Variants in NACC2 observed in about 807,000 individuals in gnomAD.
The protein encoded by NACC2 is NACC family member 2.
NACC2 carries 8 observed loss-of-function variants against 25.1 expected under a neutral mutation model. The observed-to-expected ratio is 0.32, with a 90% CI of 0.19 to 0.57. The LOEUF is 0.57. Among genes scored for constraint, NACC2 ranks in the 20% least tolerant of loss-of-function variants. NACC2 has a pLI of 0.89. For missense variants in NACC2, 644 were observed against 650.2 expected, an observed-to-expected ratio of 0.99 and a Z score of 0.10; for synonymous variants, 435 against 294.7, an observed-to-expected ratio of 1.48 and a Z score of -4.88.
intron 1 of NACC2, among the ~76,000 whole-genome samples, chr9:136,082,750 C>A (rs1050293992): frequency 6.6e-6 from 1 of 152,208 alleles, no homozygotes; most frequent in Non-Finnish European, 1.5e-5. Context: ...ATCACAGCCC[C>A]CTCTCCCCGG....
rs192495682 is a variant in NACC2, at chr9:136,075,345, C to T, written c.-60+19844G>A. Among the ~76,000 whole-genome samples, 11 of 152,326 alleles carry T rather than the reference C, an allele frequency of 7.2e-5. No homozygotes were observed. The East Asian group carries it at 2.1e-3, about 29-fold the overall frequency. On this transcript the variant is annotated intron_variant, in intron 1 of 5. Coordinates refer to ENST00000277554, the MANE Select transcript of NACC2 (RefSeq NM_144653.5). ...CTTGGGGGGAAAGCCCTCCCTAGCT[C>T]CCCCGAGGCTGGCTGCTGCGAACTG...
chr9:136,015,055 G>C (rs558965724), intron 3 of NACC2, among the ~76,000 whole-genome samples: 4 of 152,270 alleles, frequency 2.6e-5, no homozygotes, highest in Non-Finnish European at 5.9e-5. Context: ...TCCTGCCATG[G>C]CCCGTCTCCT....
At chr9:136,085,484 G>A (rs1324162329) in intron 1 of NACC2, among the ~76,000 whole-genome samples, 2 of 151,720 alleles carry the variant, frequency 1.3e-5, no homozygotes, top group African/African-American at 4.8e-5. Context: ...TCCAGCCTGG[G>A]CGACAGAGCA....
rs1473098735 is a variant in NACC2 at position 136,050,465 on chromosome 9, G to A, written c.57C>T (p.Cys19=). The change falls in exon 2 of 6, where the codon TGC becomes TGT. Residue 19 remains cysteine, a synonymous_variant. Transcript: ENST00000277554. ...IPNFGNTVLG[C]LNEQRLLGLY... ...GGCCCAGCAGGCGCTGCTCGTTCAG[G>A]CAGCCCAGCACTGTGTTCCCGAAGT... 6.5e-6 allele frequency: 5 copies of A among 765,980 alleles called. No individual in the cohort carries two copies. The African/African-American group carries it at 6.8e-5, about 10-fold the overall frequency. 47.4% of individuals were successfully genotyped at this position (765,980 alleles called of 1,614,324 possible).
At chr9:136,034,080 T>C (rs1386968335) in intron 2 of NACC2, among the ~76,000 whole-genome samples, 4 of 152,152 alleles carry the variant, frequency 2.6e-5, no homozygotes, top group Non-Finnish European at 4.4e-5. Context: ...TAAAAACATG[T>C]ACTGCCATAG....
At chr9:136,048,012 GTC>G (rs1480157157) in intron 2 of NACC2, among the ~76,000 whole-genome samples, 84 of 152,344 alleles carry the variant, frequency 5.5e-4, no homozygotes, top group African/African-American at 1.9e-3. Flanking sequence ...GATACGATGG[GTC>G]TGTTTCCATC....
Position 136,032,926 on chromosome 9 carries a change from G to A in NACC2, c.887-16497C>T, listed in dbSNP as rs546332063. Among the ~76,000 whole-genome samples the A allele has an allele frequency of 1.8e-4, 27 of 152,192 alleles. 1 individual carries two copies. In the South Asian group the frequency reaches 5.6e-3, roughly 32 times the overall value. ...CCAGCTACTCGGGAGGCTGAGGCAG[G>A]AGAATCACTAGAACTCTGGAGGCAG... On this transcript the variant is annotated intron_variant, in intron 2 of 5. Transcript: ENST00000277554.
At chr9:136,067,132 T>C (rs1013064122) in intron 1 of NACC2, among the ~76,000 whole-genome samples, 1 of 151,860 alleles carries the variant, frequency 6.6e-6, no homozygotes, top group African/African-American at 2.4e-5. Context: ...TTCATGCCTG[T>C]AATCCCGGCT....
chr9:136,043,216 G>A (rs1477019085), intron 2 of NACC2, among the ~76,000 whole-genome samples: 1 of 152,200 alleles, frequency 6.6e-6, no homozygotes, highest in African/African-American at 2.4e-5. Context: ...GAGAATGCCC[G>A]CAATACCCAT....
At chr9:136,089,499 G>A (rs1429462237) in intron 1 of NACC2, among the ~76,000 whole-genome samples, 4 of 151,838 alleles carry the variant, frequency 2.6e-5, no homozygotes, top group African/African-American at 9.7e-5. Flanking sequence ...ACCCCACCTG[G>A]TGGGGGGCTC....
intron 1 of NACC2, among the ~76,000 whole-genome samples, chr9:136,061,551 T>C (rs2131171204): frequency 1.3e-5 from 2 of 152,238 alleles, no homozygotes; most frequent in Middle Eastern, 6.8e-3. Context: ...TGGGCCGTGC[T>C]GATTGTACCC....
intron 2 of NACC2, among the ~76,000 whole-genome samples, chr9:136,044,918 G>A (rs1046158836): frequency 1.3e-5 from 2 of 152,216 alleles, no homozygotes; most frequent in African/African-American, 4.8e-5. Context: ...TCAGCCGGGG[G>A]ATGGACGGGG....
rs892941444 is a variant in NACC2, at chr9:136,018,306, G to C, written c.887-1877C>G. 2.4e-4 allele frequency among the ~76,000 whole-genome samples: 36 copies of C among 152,196 alleles called. No individual in the cohort carries two copies. The highest frequency in any genetic ancestry group is 1.4e-3 in the Admixed American group (21 of 15,300). On this transcript the variant is annotated intron_variant, in intron 2 of 5. Transcript: ENST00000277554. The surrounding 1 kb of genome is among the most constrained non-coding windows in gnomAD (Gnocchi z 4.4). ...GGGCTGCTGGGGAGCAGCCTGAGGA[G>C]GGCAGGAGGCAGGGAGGGTCCCAGA... is the stretch of plus-strand genomic sequence containing the variant.
chr9:136,048,563 T>C (rs953564481), intron 2 of NACC2, among the ~76,000 whole-genome samples: 2 of 152,202 alleles, frequency 1.3e-5, no homozygotes, highest in African/African-American at 4.8e-5. Flanking sequence ...GCAATATACA[T>C]TTAAACCAAG....
Position 136,013,044 on chromosome 9 carries a change from TCTC to T in NACC2, c.1255+152_1255+154del, listed in dbSNP as rs551741355. Among the ~76,000 whole-genome samples the T allele has an allele frequency of 5.1e-4, 77 of 152,300 alleles. No homozygotes were observed. The highest frequency in any genetic ancestry group is 1.6e-3 in the African/African-American group (68 of 41,568). Reference sequence around the variant, plus strand: ...ACCTGGCTTCTGAGAGCTGCTCTTTTCTCCTCATCTTCCCCTCAATCAGACCAT... The same window carrying T: ...ACCTGGCTTCTGAGAGCTGCTCTTTTCTCATCTTCCCCTCAATCAGACCAT... On this transcript the variant is annotated intron_variant, in intron 5 of 5. Coordinates refer to ENST00000277554, the MANE Select transcript of NACC2 (RefSeq NM_144653.5). The surrounding 1 kb of genome is among the most constrained non-coding windows in gnomAD (Gnocchi z 6.6).
intron 1 of NACC2, among the ~76,000 whole-genome samples, chr9:136,066,399 A>T (rs1292719920): frequency 6.6e-6 from 1 of 152,226 alleles, no homozygotes; most frequent in Non-Finnish European, 1.5e-5. Context: ...ACACACGCAA[A>T]AATACTCAGC....
chr9:136,017,394 C>T (rs1226598330), intron 2 of NACC2, among the ~76,000 whole-genome samples: 3 of 152,146 alleles, frequency 2.0e-5, no homozygotes, highest in African/African-American at 7.2e-5. Context: ...GCTGAGACCC[C>T]TCATCTGACG....
chr9:136,019,728 C>T lies in NACC2; in HGVS notation c.887-3299G>A, dbSNP rs531709358. 4.6e-5 allele frequency among the ~76,000 whole-genome samples: 7 copies of T among 152,088 alleles called. No homozygotes were observed. Among genetic ancestry groups the T allele is most frequent in the African/African-American group, 1.2e-4 (5 of 41,424 alleles). On this transcript the variant is annotated intron_variant, in intron 2 of 5. Transcript: ENST00000277554. This position sits in a 1 kb window ranked among gnomAD's most constrained non-coding sequence, Gnocchi z 5.2. ...GGCAGCCTCCCTGGACCACACGGGG[C>T]GAAGCAAACACAAGGACAAATGCTG...
intron 2 of NACC2, among the ~76,000 whole-genome samples, chr9:136,043,970 G>A (rs923876460): frequency 5.3e-5 from 8 of 152,070 alleles, no homozygotes; most frequent in South Asian, 2.1e-4. Flanking sequence ...GACTACAAGC[G>A]TGCATCACCA....
Sources: allele counts gnomAD v4.1 joint callset (sites outside exome capture counted in the v4.1 genomes callset), GRCh38; gene constraint gnomAD v4.1.1; non-coding constraint Gnocchi (gnomAD v3.1); transcripts MANE v1.5; gene names NCBI Gene and HGNC (gene_info 2026-07-23, HGNC 2026-07-21).